The following OLFM3 variants were observed in gnomAD, a reference collection of about 807,000 sequenced individuals.
The protein encoded by OLFM3 is noelin-3.
OLFM3 carries 20 observed loss-of-function variants against 48.6 expected under a neutral mutation model. The ratio of observed to expected loss-of-function variants is 0.41; its 90% CI spans 0.29 to 0.60. OLFM3 has a LOEUF of 0.60. Among genes scored for constraint, OLFM3 ranks in the 20% least tolerant of loss-of-function variants. The pLI is 0.28. For missense variants in OLFM3, 437 were observed against 544.3 expected (o/e 0.80, Z 1.96); for synonymous variants, 222 against 198.1 (o/e 1.12, Z -1.01).
chr1:101,849,347 T>G (rs1180193113), intron 1 of OLFM3, among the ~76,000 whole-genome samples: 1 of 152,192 alleles, frequency 6.6e-6, no homozygotes, highest in Non-Finnish European at 1.5e-5. Context: ...TAGCGGACTG[T>G]GTTTAGGGCA....
intron 1 of OLFM3, among the ~76,000 whole-genome samples, chr1:101,865,407 A>G (rs1441993223): frequency 6.6e-6 from 1 of 151,828 alleles, no homozygotes; most frequent in Non-Finnish European, 1.5e-5. Flanking sequence ...TCTAGCTATT[A>G]GCACAAACCC....
At chr1:101,901,316 A>T (rs1336556538) in intron 1 of OLFM3, among the ~76,000 whole-genome samples, 1 of 152,110 alleles carries the variant, frequency 6.6e-6, no homozygotes. Context: ...ATCATATAGG[A>T]CAAAGTAGAA....
intron 1 of OLFM3, among the ~76,000 whole-genome samples, chr1:101,968,047 AC>A (rs1378915514): frequency 3.3e-5 from 5 of 152,184 alleles, no homozygotes; most frequent in African/African-American, 9.7e-5. Flanking sequence ...TATTTTCTTG[AC>A]CTAACAGTAG....
chr1:101,987,172 A>G (rs957198923), intron 1 of OLFM3, among the ~76,000 whole-genome samples: 17 of 152,232 alleles, frequency 1.1e-4, no homozygotes, highest in Non-Finnish European at 1.6e-4. Flanking sequence ...TGCAATGAAT[A>G]AACAATGAAT....
In OLFM3 at chr1:101,866,638, C is replaced by T. The variant is rs542424302; in HGVS notation, c.70-29613G>A. On this transcript the variant is annotated intron_variant, in intron 1 of 5. Coordinates refer to ENST00000370103, the MANE Select transcript of OLFM3 (RefSeq NM_058170.4). Reference sequence around the variant, plus strand: ...CATTTAATAGTACTTAATATAAACACGATAAATTACTTAAATAAGCATTCA... The same window carrying T: ...CATTTAATAGTACTTAATATAAACATGATAAATTACTTAAATAAGCATTCA... Among the ~76,000 whole-genome samples the T allele has an allele frequency of 1.4e-3, 217 of 152,116 alleles. 1 individual carries two copies. Among genetic ancestry groups the T allele is most frequent in the African/African-American group, 4.9e-3 (204 of 41,520 alleles).
At chr1:101,912,720 C>T (rs1031176447) in intron 1 of OLFM3, among the ~76,000 whole-genome samples, 3 of 152,192 alleles carry the variant, frequency 2.0e-5, no homozygotes, top group Non-Finnish European at 4.4e-5. Context: ...ATGATGCCTT[C>T]TACCTACAAT....
chr1:101,929,407 G>A (rs909222530), intron 1 of OLFM3, among the ~76,000 whole-genome samples: 17 of 151,974 alleles, frequency 1.1e-4, no homozygotes, highest in African/African-American at 3.1e-4. Context: ...TTACAGTCTT[G>A]TACACTTGAA....
chr1:101,962,828 C>CGA (rs1660505199), intron 1 of OLFM3, among the ~76,000 whole-genome samples: 1 of 152,176 alleles, frequency 6.6e-6, no homozygotes, highest in Non-Finnish European at 1.5e-5. Flanking sequence ...ATAGTTAACT[C>CGA]ACTGCCAAAG....
At chr1:101,961,344 CAT>C (rs1427484737) in intron 1 of OLFM3, among the ~76,000 whole-genome samples, 1 of 152,008 alleles carries the variant, frequency 6.6e-6, no homozygotes, top group South Asian at 2.1e-4. Flanking sequence ...ATTATAGTAA[CAT>C]ATTTAAAATA....
intron 4 of OLFM3, among the ~76,000 whole-genome samples, chr1:101,814,130 C>G (rs1291807359): frequency 6.6e-6 from 1 of 152,058 alleles, no homozygotes; most frequent in Non-Finnish European, 1.5e-5. Flanking sequence ...TTATTTTTAC[C>G]TGGTTTTGTG....
intron 2 of OLFM3, among the ~76,000 whole-genome samples, chr1:101,832,180 C>T (rs1161398084): frequency 6.6e-6 from 1 of 152,176 alleles, no homozygotes. Context: ...TGAGCCACTG[C>T]GTCCAGCCAA....
intron 3 of OLFM3, among the ~76,000 whole-genome samples, chr1:101,827,515 A>T (rs1276023312): frequency 1.3e-5 from 2 of 152,004 alleles, no homozygotes; most frequent in Non-Finnish European, 2.9e-5. Context: ...GAGACAGGGT[A>T]GGAAGATTTT....
intron 1 of OLFM3, among the ~76,000 whole-genome samples, 153 bp downstream of exon 1, chr1:101,996,595 G>A (rs1661565295): frequency 6.6e-6 from 1 of 152,052 alleles, no homozygotes; most frequent in Non-Finnish European, 1.5e-5. Context: ...AGTTCACCTT[G>A]TTATGTTCCA....
chr1:101,992,542 C>G (rs1366424478), intron 1 of OLFM3, among the ~76,000 whole-genome samples: 1 of 151,716 alleles, frequency 6.6e-6, no homozygotes, highest in Non-Finnish European at 1.5e-5. Flanking sequence ...AAGAGGATGT[C>G]TCTAGCGCAC....
At chr1:101,918,502 C>G (rs915322857) in intron 1 of OLFM3, among the ~76,000 whole-genome samples, 1 of 151,504 alleles carries the variant, frequency 6.6e-6, no homozygotes, top group Non-Finnish European at 1.5e-5. Flanking sequence ...TCAAAACCAG[C>G]AATTGCATCA....
chr1:101,857,457 G>A (rs914164882), intron 1 of OLFM3, among the ~76,000 whole-genome samples: 4 of 151,810 alleles, frequency 2.6e-5, no homozygotes, highest in African/African-American at 9.7e-5. Context: ...CTAGTGTAGA[G>A]GCTTCTTATC....
At position 101,806,077 on chromosome 1, in the gene OLFM3, CTGT is replaced by C; in HGVS notation, c.695_697del (p.Asn232del). 1 of 1,608,010 alleles carries C rather than the reference CTGT, an allele frequency of 6.2e-7. No individual in the cohort carries two copies. The highest frequency in any genetic ancestry group is 8.5e-7 in the Non-Finnish European group (1 of 1,175,222). Reference sequence around the variant, plus strand: ...AAGGTGTTTGTGGGAGAAACATACTCTGTTGTTTTTCTCAGATGCTAAAGGGTC... The same window carrying C: ...AAGGTGTTTGTGGGAGAAACATACTCTGTTTTTCTCAGATGCTAAAGGGTC... On this transcript the variant is annotated inframe_deletion and splice_region_variant, in exon 5 of 6. Coordinates refer to ENST00000370103, the MANE Select transcript of OLFM3 (RefSeq NM_058170.4).
chr1:101,987,350 CT>C (rs766107643), intron 1 of OLFM3, among the ~76,000 whole-genome samples: 2 of 152,136 alleles, frequency 1.3e-5, no homozygotes, highest in African/African-American at 2.4e-5. Flanking sequence ...TCATTTTATT[CT>C]CTGTTTCTAG....
At chr1:101,823,824 T>C (rs1654720338) in intron 4 of OLFM3, among the ~76,000 whole-genome samples, 1 of 151,964 alleles carries the variant, frequency 6.6e-6, no homozygotes, top group South Asian at 2.1e-4. Context: ...TTCTTGAACA[T>C]GTGTTTCGGC....
Sources: allele counts gnomAD v4.1 joint callset (sites outside exome capture counted in the v4.1 genomes callset), GRCh38; gene constraint gnomAD v4.1.1; transcripts MANE v1.5; gene names NCBI Gene and HGNC (gene_info 2026-07-23, HGNC 2026-07-21).